The following PACS1 variants were observed in gnomAD, a reference collection of about 807,000 sequenced individuals.
PACS1 encodes phosphofurin acidic cluster sorting protein 1, also known as PACS-1.
PACS1 carries 24 observed loss-of-function variants against 115.0 expected under a neutral mutation model. The observed-to-expected ratio is 0.21, with a 90% CI of 0.15 to 0.29. The LOEUF (loss-of-function observed/expected upper bound fraction) is 0.29. Ranked by LOEUF, PACS1 falls within the 10% of genes least tolerant of loss-of-function variation. The probability of loss-of-function intolerance (pLI) is 1.00; values close to 1 mark genes in which losing one functional copy is unlikely to be tolerated. For synonymous variants in PACS1, 453 were observed against 504.5 expected, an observed-to-expected ratio of 0.90 and a Z score of 1.37; for missense variants, 838 against 1,251.2, an observed-to-expected ratio of 0.67 and a Z score of 4.98.
chr11:66,100,919 C>T, intron 1 of PACS1: 3 of 456,224 alleles, frequency 6.6e-6, no homozygotes, highest in South Asian at 1.5e-5. Context: ...CAAGCAAGAG[C>T]GAGCTGGCGG....
intron 1 of PACS1, among the ~76,000 whole-genome samples, chr11:66,131,653 C>T (rs1023646431): frequency 6.6e-6 from 1 of 151,870 alleles, no homozygotes; most frequent in Non-Finnish European, 1.5e-5. Flanking sequence ...CTGGGCCAGG[C>T]GTGGTGGCTC....
intron 1 of PACS1, among the ~76,000 whole-genome samples, chr11:66,128,869 G>A (rs1858637901): frequency 6.8e-6 from 1 of 147,554 alleles, no homozygotes. Context: ...GGGCAACAGA[G>A]CCGGACTCCA....
Position 66,221,172 on chromosome 11 carries a change from G to A in PACS1, c.1218G>A (p.Met406Ile). Residue 406 changes from methionine (M) to isoleucine (I), a missense_variant, in exon 10 of 24, where the codon ATG becomes ATA. Coordinates refer to ENST00000320580, the MANE Select transcript of PACS1 (RefSeq NM_018026.4). ...KPKLKPFFEG[M>I]SQSSSQTEIG... Reference sequence around the variant, plus strand: ...ACCACAGGCCTTTCTTTGAGGGGATGTCGCAGTCCAGCTCCCAGACGGAGA... The same window carrying A: ...ACCACAGGCCTTTCTTTGAGGGGATATCGCAGTCCAGCTCCCAGACGGAGA... 6.2e-7 allele frequency: 1 copy of A among 1,614,210 alleles called. No homozygotes were observed. Among genetic ancestry groups the A allele is most frequent in the Non-Finnish European group, 8.5e-7 (1 of 1,180,020 alleles).
At chr11:66,123,948 C>T (rs567989210) in intron 1 of PACS1, among the ~76,000 whole-genome samples, 1 of 151,910 alleles carries the variant, frequency 6.6e-6, no homozygotes, top group African/African-American at 2.4e-5. Context: ...ATGTCACTTG[C>T]GTTATTGCAG....
intron 22 of PACS1, among the ~76,000 whole-genome samples, chr11:66,242,184 T>C (rs1590845017): frequency 6.6e-6 from 1 of 151,898 alleles, no homozygotes; most frequent in African/African-American, 2.4e-5. Context: ...TGCGTGGGAG[T>C]GAGGCAGGAA....
chr11:66,087,498 C>T (rs762875111), intron 1 of PACS1, among the ~76,000 whole-genome samples: 2 of 152,342 alleles, frequency 1.3e-5, no homozygotes, highest in South Asian at 2.1e-4. Flanking sequence ...CTGCCTTGGC[C>T]TCCCACAGTG....
At chr11:66,076,463 C>T (rs917555399) in intron 1 of PACS1, among the ~76,000 whole-genome samples, 2 of 151,724 alleles carry the variant, frequency 1.3e-5, no homozygotes, top group African/African-American at 2.4e-5. Context: ...TGCAATGGTG[C>T]GATCTCGGCT....
intron 2 of PACS1, among the ~76,000 whole-genome samples, chr11:66,199,041 C>T (rs769049391): frequency 1.3e-5 from 2 of 152,216 alleles, no homozygotes; most frequent in Admixed American, 1.3e-4. Flanking sequence ...AAGGGCCGGG[C>T]GTGGTGGCTC....
In PACS1 at chr11:66,235,311, C is replaced by T. The variant is rs372958348; in HGVS notation, c.2115C>T (p.Asp705=). Reference sequence around the variant, plus strand: ...TTGGCTTTTCTGCAGAGCAACTGGACGTGGCAGGGCGGGTGATGCAGTACG... The same window carrying T: ...TTGGCTTTTCTGCAGAGCAACTGGATGTGGCAGGGCGGGTGATGCAGTACG... The part of the protein sequence containing the change: ...RSEPPVSEQL[D]VAGRVMQYVN... Residue 705 remains aspartate (D), a synonymous_variant, in exon 18 of 24, where the codon GAC becomes GAT. Coordinates refer to ENST00000320580, the MANE Select transcript of PACS1 (RefSeq NM_018026.4). This position sits in a 1 kb window ranked among gnomAD's most constrained non-coding sequence, Gnocchi z 5.6. The T allele has an allele frequency of 1.8e-4, 297 of 1,613,464 alleles. 1 individual carries two copies. The highest frequency in any genetic ancestry group is 2.3e-4 in the Non-Finnish European group (270 of 1,179,494).
At chr11:66,107,362 C>A (rs1449367920) in intron 1 of PACS1, among the ~76,000 whole-genome samples, 1 of 152,174 alleles carries the variant, frequency 6.6e-6, no homozygotes, top group African/African-American at 2.4e-5. Flanking sequence ...GCTCCCCTCC[C>A]CCCACATTAT....
chr11:66,220,593 G>C (rs550340691), intron 8 of PACS1, 38 bp from the exon 9 acceptor site: 1 of 1,612,376 alleles, frequency 6.2e-7, no homozygotes, highest in African/African-American at 1.3e-5. Context: ...TTGTTAATAG[G>C]GATGACCCTA....
At chr11:66,242,051 CA>C (rs1855826561) in intron 22 of PACS1, among the ~76,000 whole-genome samples, 1 of 152,200 alleles carries the variant, frequency 6.6e-6, no homozygotes, top group Admixed American at 6.5e-5. Context: ...GAGGCCTCTC[CA>C]AAGAGGCCTC....
chr11:66,149,552 T>G (rs963494899), intron 1 of PACS1, among the ~76,000 whole-genome samples: 1 of 152,212 alleles, frequency 6.6e-6, no homozygotes, highest in Non-Finnish European at 1.5e-5. Context: ...AACAAATATT[T>G]TATAAACATA....
At chr11:66,221,289 A>G (rs369188512) in intron 10 of PACS1, 42 bp downstream of exon 10, 3 of 1,540,344 alleles carry the variant, frequency 1.9e-6, no homozygotes, top group Admixed American at 1.7e-5. Context: ...GGACCGTGGC[A>G]TGTCAGGGCT....
chr11:66,231,761 C>A, intron 13 of PACS1: 1 of 207,000 alleles, frequency 4.8e-6, no homozygotes, highest in Non-Finnish European at 9.9e-6. Context: ...CTCATTGCCA[C>A]TCTCATTATT....
chr11:66,139,829 T>C (rs1858938029), intron 1 of PACS1, among the ~76,000 whole-genome samples: 1 of 152,214 alleles, frequency 6.6e-6, no homozygotes, highest in African/African-American at 2.4e-5. Flanking sequence ...AGAGACCTCT[T>C]TTCTATACTG....
At chr11:66,147,058 C>G (rs1859140571) in intron 1 of PACS1, among the ~76,000 whole-genome samples, 1 of 152,054 alleles carries the variant, frequency 6.6e-6, no homozygotes, top group Admixed American at 6.6e-5. Context: ...AAGACACTGT[C>G]TAAAAACAGA....
At chr11:66,177,965 A>C (rs1017180289) in intron 1 of PACS1, among the ~76,000 whole-genome samples, 1 of 149,042 alleles carries the variant, frequency 6.7e-6, no homozygotes, top group African/African-American at 2.6e-5. Context: ...AATGTAGTGA[A>C]TTAATGCATC....
At chr11:66,221,963 A>G (rs185020093) in intron 10 of PACS1, among the ~76,000 whole-genome samples, 1 of 152,236 alleles carries the variant, frequency 6.6e-6, no homozygotes, top group East Asian at 1.9e-4. Flanking sequence ...GAAAAATGCA[A>G]AAGTTAGCCA....
Sources: gnomAD v4.1 joint callset for allele counts (sites outside exome capture counted in the v4.1 genomes callset) on GRCh38, gnomAD v4.1.1 for gene constraint, Gnocchi (gnomAD v3.1) non-coding constraint, MANE v1.5 for transcripts, NCBI Gene and HGNC (gene_info 2026-07-23, HGNC 2026-07-21) for gene names.